The following RHCG variants were observed in gnomAD, a reference collection of about 807,000 sequenced individuals.
RHCG encodes ammonium transporter Rh type C.
Under a neutral mutation model 55.3 loss-of-function variants are expected in RHCG, and 39 were observed. The observed-to-expected ratio is 0.70, with a 90% CI of 0.55 to 0.92. RHCG has a LOEUF of 0.92. Ranked by LOEUF, RHCG falls within the 40% of genes least tolerant of loss-of-function variation. The pLI, the probability that RHCG is intolerant of heterozygous loss-of-function variation, is 0.00. For synonymous variants in RHCG, 250 were observed against 246.8 expected (o/e 1.01, Z -0.12); for missense variants, 635 against 627.9 (o/e 1.01, Z -0.12).
chr15:89,495,973 C>A (rs1318247536), intron 1 of RHCG, among the ~76,000 whole-genome samples: 1 of 152,200 alleles, frequency 6.6e-6, no homozygotes, highest in Non-Finnish European at 1.5e-5. Context: ...CACCTCTGCC[C>A]ACAGCAGGGC....
chr15:89,477,996 G>T lies in RHCG; in HGVS notation c.838-22C>A. 6.3e-7 allele frequency: 1 copy of T among 1,589,312 alleles called. No individual in the cohort carries two copies. Among genetic ancestry groups the T allele is most frequent in the African/African-American group, 1.3e-5 (1 of 74,778 alleles). ...GCACCTGGGCAGGGCAGGCAGAGCA[G>T]GCAGGAACTCAGTCCTCTCCCTGGA... is the stretch of plus-strand genomic sequence containing the variant. On this transcript the variant is annotated intron_variant, in intron 5 of 10. Coordinates refer to ENST00000268122, the MANE Select transcript of RHCG (RefSeq NM_016321.3). This position sits in a 1 kb window ranked among gnomAD's most constrained non-coding sequence, Gnocchi z 4.5.
In RHCG at chr15:89,471,860, AGG is replaced by A. The variant is rs1961044357; in HGVS notation, c.*25-7_*25-6del. 6.6e-6 allele frequency: 1 copy of A among 152,522 alleles called. No individual in the cohort carries two copies. The highest frequency in any genetic ancestry group is 1.5e-5 in the Non-Finnish European group (1 of 68,126). The allele number at this position is 152,522 out of a possible 1,614,324, so 9.4% of individuals were successfully genotyped here. ...CCCCAGGACAGTCTGTGGAGCCTGC[AGG>A]GAGACAGCCAAGAGCAGCGGGTCAC... On this transcript the variant is annotated splice_polypyrimidine_tract_variant and splice_region_variant and intron_variant, in intron 10 of 10. Coordinates refer to ENST00000268122, the MANE Select transcript of RHCG (RefSeq NM_016321.3).
At chr15:89,479,861 G>C (rs1465806424) in intron 4 of RHCG, 5 of 374,182 alleles carry the variant, frequency 1.3e-5, no homozygotes, top group Admixed American at 4.3e-5. Context: ...GGTTTTGAGA[G>C]ACCAGAATGG....
chr15:89,481,775 CTATT>C (rs1354680134), intron 3 of RHCG, among the ~76,000 whole-genome samples: 4 of 152,092 alleles, frequency 2.6e-5, no homozygotes, highest in Admixed American at 6.5e-5. Context: ...CTTCTATGCA[CTATT>C]TATTTATTTG....
intron 3 of RHCG, among the ~76,000 whole-genome samples, 177 bp downstream of exon 3, chr15:89,482,890 G>GTA (rs1280482164): frequency 1.3e-5 from 2 of 152,240 alleles, no homozygotes; most frequent in African/African-American, 4.8e-5. Flanking sequence ...TAGGTGGACT[G>GTA]TAGTACCTGC....
chr15:89,472,996 C>T (rs1036174931), intron 9 of RHCG, 133 bp from the exon 10 acceptor site: 8 of 1,052,680 alleles, frequency 7.6e-6, no homozygotes, highest in South Asian at 4.0e-5. Context: ...TCACATGCCA[C>T]GGAGAGCAGG....
In RHCG at chr15:89,496,555, T is replaced by TG. The variant is rs1961573234; in HGVS notation, c.-12dup. 1 of 1,603,100 alleles carries TG rather than the reference T, an allele frequency of 6.2e-7. No homozygotes were observed. The highest frequency in any genetic ancestry group is 8.5e-7 in the Non-Finnish European group (1 of 1,174,740). ...GGTGTTCCAGGCCATGCTGCAGGGG[T>TG]GCCTGGCCGGGCTGGCAGCGGGCGG... On this transcript the variant is annotated 5_prime_UTR_variant, in exon 1 of 11. Coordinates refer to ENST00000268122, the MANE Select transcript of RHCG (RefSeq NM_016321.3).
At chr15:89,472,587 G>A (rs977915238) in intron 10 of RHCG, 124 bp downstream of exon 10, 5 of 945,802 alleles carry the variant, frequency 5.3e-6, no homozygotes, top group African/African-American at 3.3e-5. Context: ...TCAGGCAGGA[G>A]GGGTGGAAGC....
Position 89,477,117 on chromosome 15 carries a change from G to T in RHCG, c.1202C>A (p.Thr401Asn). 6.2e-7 allele frequency: 1 copy of T among 1,614,034 alleles called. No homozygotes were observed. Among genetic ancestry groups the T allele is most frequent in the Non-Finnish European group, 8.5e-7 (1 of 1,180,012 alleles). ...GCCACCCATCAGGGCCATGGCCAGG[G>T]TCACCAAGAGACCATAAATCTGGAA... Reference protein sequence around the residue: ...GKFQIYGLLVTLAMALMGGII... With the variant: ...GKFQIYGLLVNLAMALMGGII... The change falls in exon 8 of 11, where the codon ACC becomes AAC. Residue 401 changes from threonine to asparagine, a missense_variant. Transcript: ENST00000268122. The surrounding 1 kb of genome is among the most constrained non-coding windows in gnomAD (Gnocchi z 4.5).
At position 89,477,170 on chromosome 15, in the gene RHCG, C is replaced by T; in HGVS notation, c.1149G>A (p.Gly383=). 6.2e-7 allele frequency: 1 copy of T among 1,613,952 alleles called. No individual in the cohort carries two copies. The highest frequency in any genetic ancestry group is 8.5e-7 in the Non-Finnish European group (1 of 1,180,000). Residue 383 remains glycine (G), a synonymous_variant, in exon 8 of 11, where the codon GGG becomes GGA. Coordinates refer to ENST00000268122, the MANE Select transcript of RHCG (RefSeq NM_016321.3). The surrounding 1 kb of genome is among the most constrained non-coding windows in gnomAD (Gnocchi z 4.5). ...TTCCCTGTGTTCTTGCGGTCCAGTCCCCGTTGAAACCTTGAAAGTCAAAGG... is the reference window on the plus strand; with the variant it reads ...TTCCCTGTGTTCTTGCGGTCCAGTCTCCGTTGAAACCTTGAAAGTCAAAGG... ...VHSFDFQGFN[G]DWTARTQGKF... is the part of the protein sequence containing the mutation.
chr15:89,486,597 A>T (rs4032797), intron 2 of RHCG: 53,194 of 316,000 alleles, frequency 0.17, 1,608 homozygotes, highest in East Asian at 0.29. Context: ...AGAGAGAGAG[A>T]GAGTGTGTGT....
chr15:89,476,951 C>T, intron 8 of RHCG, 123 bp from the exon 9 acceptor site: 10 of 1,545,754 alleles, frequency 6.5e-6, no homozygotes, highest in East Asian at 2.2e-5. Context: ...TGTCCCAGTC[C>T]TGTAGCCAGA....
At position 89,477,855 on chromosome 15, in the gene RHCG, C is replaced by G. The variant is rs745901882; in HGVS notation, c.957G>C (p.Leu319=). ...IGFVCGIIST[L]GFVYLTPFLE... is the part of the protein sequence containing the mutation. ...CACTTACGGTCAGGTATACAAAACCCAGGGTGGAGATGATGCCGCAGACGA... is the reference window on the plus strand; with the variant it reads ...CACTTACGGTCAGGTATACAAAACCGAGGGTGGAGATGATGCCGCAGACGA... Residue 319 remains leucine, a synonymous_variant, in exon 6 of 11, where the codon CTG becomes CTC. Transcript: ENST00000268122. This position sits in a 1 kb window ranked among gnomAD's most constrained non-coding sequence, Gnocchi z 4.5. 1 of 1,614,082 alleles carries G rather than the reference C, an allele frequency of 6.2e-7. No homozygotes were observed. The highest frequency in any genetic ancestry group is 1.1e-5 in the South Asian group (1 of 91,080).
chr15:89,482,979 G>C, intron 3 of RHCG, 88 bp downstream of exon 3: 1 of 1,304,752 alleles, frequency 7.7e-7, no homozygotes, highest in Non-Finnish European at 1.0e-6. Context: ...CGCCAGGCTG[G>C]CATGTCTCCC....
chr15:89,496,269 C>T, intron 1 of RHCG, 92 bp downstream of exon 1: 1 of 1,329,002 alleles, frequency 7.5e-7, no homozygotes, highest in Non-Finnish European at 1.1e-6. Context: ...CAGGGTAGAT[C>T]CCCTCCTCTG....
intron 1 of RHCG, among the ~76,000 whole-genome samples, chr15:89,487,228 G>A (rs578133889): frequency 6.6e-6 from 1 of 152,310 alleles, no homozygotes; most frequent in South Asian, 2.1e-4. Context: ...AAAGGGAGGC[G>A]CTGGGGGGGA....
chr15:89,492,185 C>T (rs1390120417), intron 1 of RHCG, among the ~76,000 whole-genome samples: 1 of 152,142 alleles, frequency 6.6e-6, no homozygotes, highest in African/African-American at 2.4e-5. Flanking sequence ...AGGGCTGGCA[C>T]TCTGGCCTCC....
intron 9 of RHCG, 108 bp from the exon 10 acceptor site, chr15:89,472,971 T>A: frequency 1.6e-6 from 2 of 1,272,430 alleles, no homozygotes; most frequent in Non-Finnish European, 2.1e-6. Flanking sequence ...CGCCACCTTG[T>A]GATCGCCGTG....
chr15:89,495,923 G>A (rs1423906170), intron 1 of RHCG, among the ~76,000 whole-genome samples: 1 of 152,226 alleles, frequency 6.6e-6, no homozygotes, highest in Non-Finnish European at 1.5e-5. Context: ...CTAAAAGGGG[G>A]TGGGTGTCCT....
Sources: allele counts gnomAD v4.1 joint callset (sites outside exome capture counted in the v4.1 genomes callset), GRCh38; gene constraint gnomAD v4.1.1; non-coding constraint Gnocchi (gnomAD v3.1); transcripts MANE v1.5; gene names NCBI Gene and HGNC (gene_info 2026-07-23, HGNC 2026-07-21).